Variants in NUDCD1 observed in about 807,000 individuals in gnomAD.
NUDCD1 encodes the protein nudC domain-containing protein 1.
In NUDCD1, 60 loss-of-function variants were observed where a neutral mutation model predicts 67.8. That is an observed-to-expected ratio of 0.88 (90% confidence interval 0.72 to 1.10). The LOEUF is 1.10. NUDCD1 is among the 50% of genes least tolerant of loss of function. The pLI is 0.00. For synonymous variants in NUDCD1, 244 were observed against 230.8 expected (o/e 1.06, Z -0.52); for missense variants, 643 against 695.0 (o/e 0.93, Z 0.84).
intron 8 of NUDCD1, among the ~76,000 whole-genome samples, chr8:109,248,458 A>G (rs1813550092): frequency 6.6e-6 from 1 of 152,182 alleles, no homozygotes. Context: ...AATGTTATGT[A>G]AAAAGTGATT....
At chr8:109,285,485 T>C (rs1165563828) in intron 5 of NUDCD1, among the ~76,000 whole-genome samples, 2 of 152,136 alleles carry the variant, frequency 1.3e-5, no homozygotes, top group Admixed American at 1.3e-4. Context: ...GCTTCATTCC[T>C]GGGGAAGCAA....
At chr8:109,287,246 A>C (rs1272303379) in intron 5 of NUDCD1, among the ~76,000 whole-genome samples, 1 of 152,204 alleles carries the variant, frequency 6.6e-6, no homozygotes, top group African/African-American at 2.4e-5. Flanking sequence ...CAAAGAACTT[A>C]AAACAGAACT....
chr8:109,296,042 A>G (rs1227135983), intron 3 of NUDCD1, among the ~76,000 whole-genome samples: 2 of 152,180 alleles, frequency 1.3e-5, no homozygotes, highest in African/African-American at 4.8e-5. Flanking sequence ...ATGGCAGAGG[A>G]GAAAATCATC....
At chr8:109,273,483 C>G (rs1393395753) in intron 7 of NUDCD1, among the ~76,000 whole-genome samples, 1 of 151,904 alleles carries the variant, frequency 6.6e-6, no homozygotes, top group Admixed American at 6.6e-5. Context: ...CAAAAATCAA[C>G]TAAGTATCAC....
intron 8 of NUDCD1, among the ~76,000 whole-genome samples, chr8:109,247,657 T>C (rs988360854): frequency 2.0e-5 from 3 of 152,116 alleles, no homozygotes; most frequent in Admixed American, 6.5e-5. Flanking sequence ...ACCTTTGACA[T>C]AGCATTCTGT....
intron 5 of NUDCD1, among the ~76,000 whole-genome samples, chr8:109,285,422 G>A (rs1303347730): frequency 6.6e-6 from 1 of 152,056 alleles, no homozygotes; most frequent in East Asian, 1.9e-4. Context: ...TCAAAATACT[G>A]GCAAGCTGAA....
chr8:109,249,364 T>G (rs893373403), intron 8 of NUDCD1, among the ~76,000 whole-genome samples: 2 of 152,212 alleles, frequency 1.3e-5, no homozygotes, highest in African/African-American at 4.8e-5. Context: ...ATAGCAGCTT[T>G]CAAGTAATCT....
intron 2 of NUDCD1, among the ~76,000 whole-genome samples, chr8:109,311,023 C>T (rs1815235028): frequency 6.6e-6 from 1 of 151,648 alleles, no homozygotes; most frequent in South Asian, 2.1e-4. Flanking sequence ...ACCATGTTGG[C>T]CAGGACGGTC....
chr8:109,264,994 A>G (rs1041537779), intron 8 of NUDCD1, among the ~76,000 whole-genome samples: 2 of 152,028 alleles, frequency 1.3e-5, no homozygotes, highest in Admixed American at 1.3e-4. Flanking sequence ...ATCCAAATAT[A>G]AAAATTAAGT....
At position 109,245,354 on chromosome 8, in the gene NUDCD1, A is replaced by AT. The variant is rs751277523; in HGVS notation, c.1426dup (p.Met476AsnfsTer37). The AT allele has an allele frequency of 8.1e-6, 13 of 1,613,960 alleles. No homozygotes were observed. Among genetic ancestry groups the AT allele is most frequent in the Non-Finnish European group, 1.1e-5 (13 of 1,179,920 alleles). On this transcript the variant is annotated frameshift_variant, in exon 9 of 10. Transcript: ENST00000239690. LOFTEE classifies it high-confidence loss of function. Reference sequence around the variant, plus strand: ...ATTGAAAGTTGCGATGTGCTCCCACATATCATCTTGTTTGCTGGAGTGTGG... The same window carrying AT: ...ATTGAAAGTTGCGATGTGCTCCCACATTATCATCTTGTTTGCTGGAGTGTGG...
At chr8:109,327,033 T>C (rs1815696075) in intron 1 of NUDCD1, among the ~76,000 whole-genome samples, 1 of 152,168 alleles carries the variant, frequency 6.6e-6, no homozygotes, top group African/African-American at 2.4e-5. Flanking sequence ...ATAATAATCT[T>C]TAAAGAGGGG....
intron 5 of NUDCD1, among the ~76,000 whole-genome samples, chr8:109,282,494 A>G (rs1814469923): frequency 6.6e-6 from 1 of 152,132 alleles, no homozygotes; most frequent in African/African-American, 2.4e-5. Context: ...AACAAAAATA[A>G]TATTATAAGG....
intron 8 of NUDCD1, among the ~76,000 whole-genome samples, chr8:109,259,482 C>G (rs1813817154): frequency 6.6e-6 from 1 of 152,170 alleles, no homozygotes; most frequent in South Asian, 2.1e-4. Flanking sequence ...GGAATGCTGA[C>G]AGAGAAAGGG....
intron 1 of NUDCD1, among the ~76,000 whole-genome samples, chr8:109,329,066 T>C (rs182318444): frequency 6.6e-6 from 1 of 151,960 alleles, no homozygotes; most frequent in Admixed American, 6.6e-5. Context: ...AACTTCTAGA[T>C]GTGAATATTA....
At chr8:109,305,559 C>A (rs1815084250) in intron 2 of NUDCD1, among the ~76,000 whole-genome samples, 1 of 152,128 alleles carries the variant, frequency 6.6e-6, no homozygotes, top group Admixed American at 6.5e-5. Context: ...AAATTAGAGC[C>A]TGTCCTCGAG....
At chr8:109,321,967 A>G (rs946697689) in intron 2 of NUDCD1, among the ~76,000 whole-genome samples, 1 of 152,146 alleles carries the variant, frequency 6.6e-6, no homozygotes, top group African/African-American at 2.4e-5. Context: ...AAAAATACAT[A>G]AAGTAAAAAC....
chr8:109,317,690 AGAAG>A, intron 2 of NUDCD1, among the ~76,000 whole-genome samples: 1 of 152,334 alleles, frequency 6.6e-6, no homozygotes, highest in East Asian at 1.9e-4. Flanking sequence ...CTGCTCTCAA[AGAAG>A]GAATATGTGC....
chr8:109,305,918 A>G (rs1376313336), intron 2 of NUDCD1, among the ~76,000 whole-genome samples: 1 of 151,744 alleles, frequency 6.6e-6, no homozygotes, highest in African/African-American at 2.4e-5. Flanking sequence ...CTTCCCTTAA[A>G]CTCACTCGCA....
intron 1 of NUDCD1, among the ~76,000 whole-genome samples, chr8:109,325,943 A>G (rs1006328528): frequency 6.6e-6 from 1 of 152,216 alleles, no homozygotes; most frequent in Non-Finnish European, 1.5e-5. Flanking sequence ...ATTATGATAG[A>G]TTTGATAGAG....
Sources: gnomAD v4.1 joint callset for allele counts (sites outside exome capture counted in the v4.1 genomes callset) on GRCh38, gnomAD v4.1.1 for gene constraint, MANE v1.5 for transcripts, NCBI Gene and HGNC (gene_info 2026-07-23, HGNC 2026-07-21) for gene names.